Variants in BCR observed in about 807,000 individuals in gnomAD.
The protein encoded by BCR is BCR activator of RhoGEF and GTPase, also known as breakpoint cluster region protein.
A neutral mutation model predicts 138.6 loss-of-function variants in BCR; 58 were observed. That is an observed-to-expected ratio of 0.42 (90% CI 0.34 to 0.52). BCR has a LOEUF of 0.52. Ranked by LOEUF, BCR falls within the 20% of genes least tolerant of loss-of-function variation. The probability of loss-of-function intolerance (pLI) is 0.06; values close to 1 mark genes in which losing one functional copy is unlikely to be tolerated. For missense variants in BCR, 1,599 were observed against 1,727.2 expected (o/e 0.93, Z 1.32); for synonymous variants, 786 against 730.1 (o/e 1.08, Z -1.23).
At position 23,304,625 on chromosome 22, in the gene BCR, GTGAC is replaced by G. The variant is rs149697129; in HGVS notation, c.3013-4797_3013-4794del. On this transcript the variant is annotated intron_variant, in intron 16 of 22. Transcript: ENST00000305877. The stretch of plus-strand genomic sequence containing the variant: ...TAAGATTGCTGGGCTGTGCAACAAG[GTGAC>G]TATTTGGGGAACTGCCCTACGTTGT... Among the ~76,000 whole-genome samples, 1,117 of 152,208 alleles carry G rather than the reference GTGAC, an allele frequency of 7.3e-3. 6 individuals carry two copies. Among genetic ancestry groups the G allele is most frequent in the African/African-American group, 0.025 (1,058 of 41,532 alleles).
At chr22:23,290,003 T>TA in intron 13 of BCR, 1 of 506,052 alleles carries the variant, frequency 2.0e-6, no homozygotes, top group South Asian at 2.1e-5. Flanking sequence ...CTGTTGCACA[T>TA]ATGCTCAGTC....
chr22:23,211,385 A>C (rs527816879), intron 1 of BCR, among the ~76,000 whole-genome samples: 37 of 151,044 alleles, frequency 2.4e-4, no homozygotes, highest in Admixed American at 5.3e-4. Context: ...TTTTTAGTAA[A>C]GACAGGGTTT....
chr22:23,268,386 T>G, intron 4 of BCR, 22 bp from the exon 5 acceptor site: 2 of 1,583,220 alleles, frequency 1.3e-6, no homozygotes, highest in Non-Finnish European at 1.7e-6. Context: ...TGTCCCACTC[T>G]CTCTTCCTTC....
intron 1 of BCR, among the ~76,000 whole-genome samples, chr22:23,234,669 G>A (rs1213998024): frequency 6.9e-6 from 1 of 145,964 alleles, no homozygotes; most frequent in Non-Finnish European, 1.6e-5. Flanking sequence ...ATCTGGATGG[G>A]GAAGGTGTGA....
intron 4 of BCR, among the ~76,000 whole-genome samples, chr22:23,266,500 CTG>C (rs1485864078): frequency 3.9e-5 from 6 of 152,164 alleles, no homozygotes; most frequent in Non-Finnish European, 7.3e-5. Context: ...AGCGATTCTC[CTG>C]TCTCAGCCTC....
chr22:23,301,125 G>GA (rs1410080197), intron 16 of BCR, among the ~76,000 whole-genome samples: 4 of 152,244 alleles, frequency 2.6e-5, no homozygotes, highest in Non-Finnish European at 4.4e-5. Flanking sequence ...CCAACATGGT[G>GA]AAACCCCGTC....
At chr22:23,260,768 T>A (rs2073347351) in intron 2 of BCR, 182 bp from the exon 3 acceptor site, 1 of 604,718 alleles carries the variant, frequency 1.7e-6, no homozygotes, top group Admixed American at 2.4e-5. Flanking sequence ...TCTCAGTGAC[T>A]GTGAGTGTGT....
intron 1 of BCR, among the ~76,000 whole-genome samples, chr22:23,233,910 A>G (rs1326760313): frequency 6.6e-6 from 1 of 151,524 alleles, no homozygotes; most frequent in Admixed American, 6.6e-5. Flanking sequence ...GGACAAGGGC[A>G]TGTCAGTGGG....
Position 23,316,976 on chromosome 22 carries a change from C to A in BCR, c.*1454C>A. On this transcript the variant is annotated 3_prime_UTR_variant, in exon 23 of 23. Transcript: ENST00000305877. ...ACTGAGAGCCAAGTTTCCACACGGT[C>A]CTGCAGGAGGAGAGGATGCAGCTGC... The A allele has an allele frequency of 7.0e-6, 1 of 143,656 alleles. No homozygotes were observed. The highest frequency in any genetic ancestry group is 3.8e-5 in the African/African-American group (1 of 26,534). 8.9% of individuals were successfully genotyped at this position (143,656 alleles called of 1,614,324 possible).
intron 1 of BCR, among the ~76,000 whole-genome samples, chr22:23,244,422 G>A (rs995035614): frequency 1.3e-5 from 2 of 152,182 alleles, no homozygotes; most frequent in Non-Finnish European, 2.9e-5. Flanking sequence ...GTCCTCAGGG[G>A]AGCCAGTGTC....
intron 12 of BCR, 75 bp from the exon 13 acceptor site, chr22:23,289,442 G>A: frequency 1.6e-6 from 2 of 1,257,528 alleles, no homozygotes; most frequent in African/African-American, 1.5e-5. Context: ...GGTGTGTGGT[G>A]GAGGTCCAGT....
chr22:23,200,842 G>A (rs2072545271), intron 1 of BCR, among the ~76,000 whole-genome samples: 1 of 152,188 alleles, frequency 6.6e-6, no homozygotes, highest in Non-Finnish European at 1.5e-5. Flanking sequence ...CTCCAGGCAT[G>A]AGCCACCATG....
intron 1 of BCR, among the ~76,000 whole-genome samples, chr22:23,248,162 G>A (rs1394172458): frequency 1.3e-5 from 2 of 152,080 alleles, no homozygotes; most frequent in African/African-American, 2.4e-5. Context: ...TGGGCAACAT[G>A]GTGAAACCCC....
At chr22:23,294,422 GGA>G (rs916306836) in intron 15 of BCR, among the ~76,000 whole-genome samples, 1 of 152,080 alleles carries the variant, frequency 6.6e-6, no homozygotes, top group African/African-American at 2.4e-5. Flanking sequence ...TTTTTTTGAG[GGA>G]GAGTCTCACA....
chr22:23,214,995 C>T (rs891612212), intron 1 of BCR, among the ~76,000 whole-genome samples: 1 of 152,148 alleles, frequency 6.6e-6, no homozygotes, highest in African/African-American at 2.4e-5. Context: ...TCTCTACTCC[C>T]TCCTCCCTCA....
intron 16 of BCR, among the ~76,000 whole-genome samples, chr22:23,308,892 C>T (rs1265627173): frequency 6.6e-6 from 1 of 152,118 alleles, no homozygotes; most frequent in Non-Finnish European, 1.5e-5. Flanking sequence ...GCCCCCTCAT[C>T]AGCTGCTTGA....
intron 1 of BCR, among the ~76,000 whole-genome samples, chr22:23,240,008 C>A (rs1382301997): frequency 6.6e-6 from 1 of 151,926 alleles, no homozygotes; most frequent in Non-Finnish European, 1.5e-5. Flanking sequence ...TGTAGAGACA[C>A]GTTCTTGTTA....
Position 23,283,981 on chromosome 22 carries a change from G to A in BCR, c.2120G>A (p.Arg707Gln), listed in dbSNP as rs929189498. Reference protein sequence around the residue: ...QSMTVKKGEHRQLLKDSFMVE... With the variant: ...QSMTVKKGEHQQLLKDSFMVE... Reference sequence around the variant, plus strand: ...CAGCCTTCCCTGTGCCTGCAGCACCGGCAGCTGCTGAAGGACAGCTTCATG... The same window carrying A: ...CAGCCTTCCCTGTGCCTGCAGCACCAGCAGCTGCTGAAGGACAGCTTCATG... The change falls in exon 9 of 23, where the codon CGG becomes CAG. Residue 707 changes from arginine to glutamine, a missense_variant. By Grantham distance (43) the Arg-to-Gln change is conservative. This residue lies in a region of BCR where 590 missense variants were observed against 762.4 expected (regional missense o/e 0.77). Coordinates refer to ENST00000305877, the MANE Select transcript of BCR (RefSeq NM_004327.4). 6 of 1,594,658 alleles carry A rather than the reference G, an allele frequency of 3.8e-6. No homozygotes were observed. Among genetic ancestry groups the A allele is most frequent in the African/African-American group, 2.7e-5 (2 of 74,556 alleles).
chr22:23,225,691 A>G (rs984099578), intron 1 of BCR, among the ~76,000 whole-genome samples: 6 of 152,220 alleles, frequency 3.9e-5, no homozygotes, highest in African/African-American at 1.2e-4. Flanking sequence ...GGGTAGAATC[A>G]CAGAGCTGAG....
Sources: gnomAD v4.1 joint callset for allele counts (sites outside exome capture counted in the v4.1 genomes callset) on GRCh38, gnomAD v4.1.1 for gene constraint, gnomAD v4.1.1 regional missense constraint, MANE v1.5 for transcripts, NCBI Gene and HGNC (gene_info 2026-07-23, HGNC 2026-07-21) for gene names.